Variants in RGPD4 observed in about 807,000 individuals in gnomAD.
RGPD4 encodes ranBP2-like and GRIP domain-containing protein 4.
A neutral mutation model predicts 141.1 loss-of-function variants in RGPD4; 84 were observed. That is an observed-to-expected ratio of 0.60 (90% confidence interval 0.50 to 0.71). RGPD4 has a LOEUF of 0.71. Ranked by LOEUF, RGPD4 falls within the 30% of genes least tolerant of loss-of-function variation. RGPD4 has a pLI of 0.00. For synonymous variants in RGPD4, 298 were observed against 566.8 expected, an observed-to-expected ratio of 0.53 and a Z score of 6.74; for missense variants, 918 against 1,622.4, an observed-to-expected ratio of 0.57 and a Z score of 7.46.
Position 107,826,992 on chromosome 2 carries a change from C to T in RGPD4, c.-22C>T, listed in dbSNP as rs199892051. 3.1e-6 allele frequency: 5 copies of T among 1,591,498 alleles called. No individual in the cohort carries two copies. The highest frequency in any genetic ancestry group is 2.3e-5 in the East Asian group (1 of 43,890). ...GGCTGAGCGCTGGTTTCACGCGTCT[C>T]GGGAGCCAGGTTGGTGGCGCGATGA... On this transcript the variant is annotated 5_prime_UTR_variant, in exon 1 of 23. Transcript: ENST00000408999.
intron 2 of RGPD4, among the ~76,000 whole-genome samples, chr2:107,836,950 G>A (rs1174562675): frequency 1.6e-4 from 14 of 90,136 alleles, no homozygotes; most frequent in Non-Finnish European, 1.9e-4. Context: ...AGTAAAAGAG[G>A]ACCATGCCTA....
intron 21 of RGPD4, among the ~76,000 whole-genome samples, chr2:107,881,541 C>T (rs1675366074): frequency 6.6e-6 from 1 of 151,382 alleles, no homozygotes; most frequent in African/African-American, 2.4e-5. Context: ...TGGTCTGAAT[C>T]TCCTGACCTC....
chr2:107,865,766 A>T (rs1315522999), intron 17 of RGPD4, among the ~76,000 whole-genome samples: 8 of 148,492 alleles, frequency 5.4e-5, no homozygotes, highest in Non-Finnish European at 4.5e-5. Flanking sequence ...TGGCAAATAG[A>T]AACTTTCAAA....
At chr2:107,857,789 C>G (rs58440447) in intron 9 of RGPD4, among the ~76,000 whole-genome samples, 1 of 151,066 alleles carries the variant, frequency 6.6e-6, no homozygotes, top group Admixed American at 6.6e-5. Context: ...ATCAGGAGTT[C>G]AAGACCATCC....
chr2:107,830,344 A>G (rs1322000511), intron 1 of RGPD4, among the ~76,000 whole-genome samples: 2 of 8,048 alleles, frequency 2.5e-4, no homozygotes, highest in African/African-American at 5.3e-3. Flanking sequence ...AAACAAGCTT[A>G]AAAAAAAAAA....
At chr2:107,837,542 TAAG>T (rs1370674510) in intron 2 of RGPD4, among the ~76,000 whole-genome samples, 1 of 37,342 alleles carries the variant, frequency 2.7e-5, no homozygotes, top group Non-Finnish European at 5.0e-5. Flanking sequence ...GAAATGCTGG[TAAG>T]AAAGGAAAAT....
At chr2:107,834,473 T>A (rs1177821211) in intron 1 of RGPD4, among the ~76,000 whole-genome samples, 1 of 152,148 alleles carries the variant, frequency 6.6e-6, no homozygotes, top group Admixed American at 6.6e-5. Flanking sequence ...TGCTCCGTCC[T>A]ACCCAGGACA....
At chr2:107,887,291 C>T (rs539316951) in intron 22 of RGPD4, among the ~76,000 whole-genome samples, 1 of 151,916 alleles carries the variant, frequency 6.6e-6, no homozygotes, top group African/African-American at 2.4e-5. Flanking sequence ...ATATGTGAAA[C>T]ATTAGAATAT....
intron 22 of RGPD4, among the ~76,000 whole-genome samples, chr2:107,889,095 C>G (rs1427243094): frequency 1.3e-5 from 2 of 150,474 alleles, no homozygotes; most frequent in Non-Finnish European, 2.9e-5. Flanking sequence ...AAATGCTACT[C>G]TGCGTAAGGT....
At position 107,883,459 on chromosome 2, in the gene RGPD4, G is replaced by A. The variant is rs569050133; in HGVS notation, c.5266+586G>A. On this transcript the variant is annotated intron_variant, in intron 22 of 22. Transcript: ENST00000408999. ...ATCCTGGCCAACATGGTGAAATCTC[G>A]TCTCTACTAAAAATACAAAAATTAG... Among the ~76,000 whole-genome samples the A allele has an allele frequency of 1.1e-3, 167 of 151,048 alleles. 2 individuals are homozygous for A. The highest frequency in any genetic ancestry group is 3.7e-3 in the African/African-American group (151 of 40,806).
chr2:107,830,357 A>G (rs1164337267), intron 1 of RGPD4, among the ~76,000 whole-genome samples: 12 of 151,594 alleles, frequency 7.9e-5, no homozygotes, highest in African/African-American at 2.9e-4. Context: ...AAAAAAAAAA[A>G]AAGCATGTTT....
At chr2:107,846,257 A>G (rs911495152) in intron 6 of RGPD4, among the ~76,000 whole-genome samples, 1 of 149,238 alleles carries the variant, frequency 6.7e-6, no homozygotes, top group African/African-American at 2.5e-5. Flanking sequence ...TGATCTGTCT[A>G]CCTTGGCCTC....
At position 107,871,145 on chromosome 2, in the gene RGPD4, A is replaced by C. The variant is rs777458983; in HGVS notation, c.3141A>C (p.Lys1047Asn). The C allele has an allele frequency of 1.2e-6, 2 of 1,610,846 alleles. No homozygotes were observed. The highest frequency in any genetic ancestry group is 1.7e-6 in the Non-Finnish European group (2 of 1,179,788). ...HFEPVVQMPE[K>N]VELVIGEEGE... is the part of the protein sequence containing the mutation. Reference sequence around the variant, plus strand: ...AACCAGTAGTTCAAATGCCTGAAAAAGTAGAACTTGTAATAGGAGAAGAAG... The same window carrying C: ...AACCAGTAGTTCAAATGCCTGAAAACGTAGAACTTGTAATAGGAGAAGAAG... The change falls in exon 20 of 23, where the codon AAA becomes AAC. Residue 1047 changes from lysine (K) to asparagine (N), a missense_variant. Transcript: ENST00000408999.
intron 20 of RGPD4, among the ~76,000 whole-genome samples, chr2:107,873,300 C>T (rs576524302): frequency 1.5e-4 from 16 of 103,672 alleles, no homozygotes; most frequent in South Asian, 3.7e-4. Context: ...AGGCTGGGCA[C>T]GGTGGCTCAC....
At position 107,827,834 on chromosome 2, in the gene RGPD4, A is replaced by C. The variant is rs1407911760; in HGVS notation, c.72+749A>C. Among the ~76,000 whole-genome samples, 2 of 26,032 alleles carry C rather than the reference A, an allele frequency of 7.7e-5. 1 individual carries two copies. The highest frequency in any genetic ancestry group is 1.4e-4 in the Non-Finnish European group (2 of 14,036). 17.1% of individuals were successfully genotyped at this position (26,032 alleles called of 152,430 possible). A position where few individuals can be genotyped will look rare whatever the true frequency, so the allele number is the denominator to read the frequency against. On this transcript the variant is annotated intron_variant, in intron 1 of 22. Coordinates refer to ENST00000408999, the MANE Select transcript of RGPD4 (RefSeq NM_182588.3). ...CGGCGGCCTCGATGGCTCAGGCGTC[A>C]TGCCTCCCGACCGGCGCTGCTCCCT...
chr2:107,888,953 A>G (rs1219782946), intron 22 of RGPD4, among the ~76,000 whole-genome samples: 2 of 134,106 alleles, frequency 1.5e-5, no homozygotes, highest in Non-Finnish European at 3.1e-5. Flanking sequence ...TGTGAAATAA[A>G]TATGTGTTAA....
chr2:107,875,530 A>T (rs3096729), intron 20 of RGPD4, among the ~76,000 whole-genome samples: 1 of 142,552 alleles, frequency 7.0e-6, no homozygotes, highest in Non-Finnish European at 1.5e-5. Flanking sequence ...TGACTGGCTT[A>T]CTTTATTAAA....
chr2:107,858,446 TTC>T (rs1682413193), intron 9 of RGPD4, among the ~76,000 whole-genome samples: 1 of 151,486 alleles, frequency 6.6e-6, no homozygotes, highest in African/African-American at 2.4e-5. Context: ...TTCTTTTCTT[TTC>T]TTTTTTTTGA....
At chr2:107,852,199 C>CCACTGCAG (rs1230493530) in intron 7 of RGPD4, among the ~76,000 whole-genome samples, 14 of 141,790 alleles carry the variant, frequency 9.9e-5, no homozygotes, top group South Asian at 4.7e-4. Context: ...CGAGATCGTG[C>CCACTGCAG]CACTGCAGCA....
Sources: gnomAD v4.1 joint callset for allele counts (sites outside exome capture counted in the v4.1 genomes callset) on GRCh38, gnomAD v4.1.1 for gene constraint, MANE v1.5 for transcripts, NCBI Gene and HGNC (gene_info 2026-07-23, HGNC 2026-07-21) for gene names.